Variants in FKBP7 observed in about 807,000 individuals in gnomAD.
The protein encoded by FKBP7 is peptidyl-prolyl cis-trans isomerase FKBP7.
A neutral mutation model predicts 24.3 loss-of-function variants in FKBP7; 24 were observed. The observed-to-expected ratio is 0.99, with a 90% CI of 0.72 to 1.39. The LOEUF (loss-of-function observed/expected upper bound fraction) is 1.39, where lower values mean the gene tolerates loss of function less well. FKBP7 is among the 40% of genes most tolerant of loss of function. The pLI is 0.00. For missense variants in FKBP7, 257 were observed against 269.5 expected, an observed-to-expected ratio of 0.95 and a Z score of 0.33; for synonymous variants, 98 against 92.8, an observed-to-expected ratio of 1.06 and a Z score of -0.32.
chr2:178,465,953 C>A, intron 3 of FKBP7, 22 bp from the exon 4 acceptor site: 1 of 1,559,912 alleles, frequency 6.4e-7, no homozygotes. Context: ...AAATAACATT[C>A]CTTTAATTAA....
At chr2:178,474,670 C>G (rs1263774668) in intron 2 of FKBP7, among the ~76,000 whole-genome samples, 1 of 151,480 alleles carries the variant, frequency 6.6e-6, no homozygotes, top group Non-Finnish European at 1.5e-5. Flanking sequence ...ATATATATCC[C>G]AAAAGTGGAA....
intron 2 of FKBP7, among the ~76,000 whole-genome samples, chr2:178,472,537 C>G (rs137968292): frequency 1.3e-5 from 2 of 151,688 alleles, no homozygotes; most frequent in Non-Finnish European, 2.9e-5. Flanking sequence ...TGCAATGGCG[C>G]GATCTCGGCT....
intron 3 of FKBP7, among the ~76,000 whole-genome samples, chr2:178,469,023 C>T (rs971098471): frequency 1.3e-5 from 2 of 151,844 alleles, no homozygotes; most frequent in Non-Finnish European, 2.9e-5. Context: ...TATGCACCAC[C>T]ATGCCTGGCT....
At chr2:178,474,298 C>G (rs1198217303) in intron 2 of FKBP7, among the ~76,000 whole-genome samples, 1 of 152,168 alleles carries the variant, frequency 6.6e-6, no homozygotes, top group Non-Finnish European at 1.5e-5. Context: ...CAAGGTACAG[C>G]CTATCAGGCT....
chr2:178,466,631 TATCTC>T (rs1425942451), intron 3 of FKBP7, among the ~76,000 whole-genome samples: 1 of 152,150 alleles, frequency 6.6e-6, no homozygotes, highest in African/African-American at 2.4e-5. Flanking sequence ...TTCAAAAAGT[TATCTC>T]ATTGATAATT....
Position 178,469,651 on chromosome 2 carries a change from C to T in FKBP7, c.507+1G>A. The T allele has an allele frequency of 6.2e-7, 1 of 1,613,626 alleles. No homozygotes were observed. The highest frequency in any genetic ancestry group is 8.5e-7 in the Non-Finnish European group (1 of 1,179,882). On this transcript the variant is annotated splice_donor_variant, in intron 3 of 3. Transcript: ENST00000424785. LOFTEE classifies it high-confidence loss of function. ...ATACACATGAAATTGGTTTGAATTACCTCGGCTTTAGAGAGCTGCCTGTCA... is the reference window on the plus strand; with the variant it reads ...ATACACATGAAATTGGTTTGAATTATCTCGGCTTTAGAGAGCTGCCTGTCA...
chr2:178,478,494 T>C lies in FKBP7; in HGVS notation c.6A>G (p.Pro2=). M[P]KTMHFLFRFI... is the part of the protein sequence containing the mutation. ...ATCTGAATAAGAAATGCATGGTTTT[T>C]GGCATCGGCTCCAGCAGAACACTGC... is the stretch of plus-strand genomic sequence containing the variant. The change falls in exon 1 of 4, where the codon CCA becomes CCG. Residue 2 remains proline, a synonymous_variant. Coordinates refer to ENST00000424785, the MANE Select transcript of FKBP7 (RefSeq NM_181342.3). 1 of 1,613,990 alleles carries C rather than the reference T, an allele frequency of 6.2e-7. No individual in the cohort carries two copies. The highest frequency in any genetic ancestry group is 1.6e-4 in the Middle Eastern group (1 of 6,062).
At chr2:178,472,916 T>TA (rs1684893081) in intron 2 of FKBP7, 32 of 266,878 alleles carry the variant, frequency 1.2e-4, no homozygotes, top group East Asian at 4.1e-4. Flanking sequence ...TTTTTTTTTT[T>TA]TAAAAAAAAC....
At chr2:178,472,898 C>CTTTTT in intron 2 of FKBP7, 3 of 174,502 alleles carry the variant, frequency 1.7e-5, no homozygotes, top group Non-Finnish European at 3.1e-5. Flanking sequence ...ACCTCTTTTT[C>CTTTTT]TTGTTTTTTT....
chr2:178,472,446 T>C (rs1035684914), intron 2 of FKBP7, among the ~76,000 whole-genome samples: 1 of 151,584 alleles, frequency 6.6e-6, no homozygotes, highest in African/African-American at 2.4e-5. Flanking sequence ...GCTATAAACA[T>C]AGAAAATATT....
Position 178,464,255 on chromosome 2 carries a change from T to C in FKBP7, c.*1515A>G, listed in dbSNP as rs1229424344. ...GAAGGTAGAAAAAACTTTACTTGTT[T>C]GGAACTCAATTATTTTGAACAGAGC... On this transcript the variant is annotated 3_prime_UTR_variant, in exon 4 of 4. Transcript: ENST00000424785. 1 of 152,246 alleles carries C rather than the reference T, an allele frequency of 6.6e-6. No individual in the cohort carries two copies. Among genetic ancestry groups the C allele is most frequent in the Non-Finnish European group, 1.5e-5 (1 of 68,048 alleles). The allele number at this position is 152,246 out of a possible 1,614,324, so 9.4% of individuals were successfully genotyped here. A position where few individuals can be genotyped will look rare whatever the true frequency, so the allele number is the denominator to read the frequency against.
rs542796409 is a variant in FKBP7 at position 178,465,480 on chromosome 2, C to T, written c.*290G>A. 1 of 216,554 alleles carries T rather than the reference C, an allele frequency of 4.6e-6. No homozygotes were observed. The highest frequency in any genetic ancestry group is 9.8e-5 in the East Asian group (1 of 10,238). 13.4% of individuals were successfully genotyped at this position (216,554 alleles called of 1,614,324 possible). A position where few individuals can be genotyped will look rare whatever the true frequency, so the allele number is the denominator to read the frequency against. The stretch of plus-strand genomic sequence containing the variant: ...CAGTTTTTGACATACTATACATGTC[C>T]TCCTACATCCTGAAAGGGGAAAAAA... On this transcript the variant is annotated 3_prime_UTR_variant, in exon 4 of 4. Coordinates refer to ENST00000424785, the MANE Select transcript of FKBP7 (RefSeq NM_181342.3).
chr2:178,471,720 C>T (rs1684851256), intron 2 of FKBP7, among the ~76,000 whole-genome samples: 1 of 152,054 alleles, frequency 6.6e-6, no homozygotes, highest in South Asian at 2.1e-4. Flanking sequence ...AAATGTTTGT[C>T]CTTGGAAGGA....
intron 2 of FKBP7, among the ~76,000 whole-genome samples, chr2:178,473,765 C>A (rs574168795): frequency 6.6e-6 from 1 of 152,194 alleles, no homozygotes. Flanking sequence ...AACATTTTGC[C>A]TAGAAGTGGC....
At chr2:178,466,977 G>A (rs1483490697) in intron 3 of FKBP7, among the ~76,000 whole-genome samples, 3 of 152,158 alleles carry the variant, frequency 2.0e-5, no homozygotes, top group Admixed American at 1.3e-4. Context: ...AGCAATCAGT[G>A]GACCTTAATG....
Position 178,478,554 on chromosome 2 carries a change from G to A in FKBP7, c.-55C>T. ...CGCGTGTCACTCGCGCCCCGTGGAT[G>A]TCCCGCGGCCGAGTTCCGACGCGTG... On this transcript the variant is annotated 5_prime_UTR_variant, in exon 1 of 4. Coordinates refer to ENST00000424785, the MANE Select transcript of FKBP7 (RefSeq NM_181342.3). 1.9e-6 allele frequency: 3 copies of A among 1,603,446 alleles called. No individual in the cohort carries two copies. Among genetic ancestry groups the A allele is most frequent in the Non-Finnish European group, 1.7e-6 (2 of 1,175,952 alleles).
At chr2:178,475,664 T>TTTTTAA (rs1559378881) in intron 2 of FKBP7, among the ~76,000 whole-genome samples, 2 of 152,264 alleles carry the variant, frequency 1.3e-5, no homozygotes, top group Non-Finnish European at 2.9e-5. Context: ...TGATGTCTCA[T>TTTTTAA]TTTTAATTTC....
At chr2:178,474,409 A>T (rs1487458572) in intron 2 of FKBP7, among the ~76,000 whole-genome samples, 3 of 152,242 alleles carry the variant, frequency 2.0e-5, no homozygotes, top group Non-Finnish European at 4.4e-5. Flanking sequence ...TACATGCCTT[A>T]TAAAACTTTC....
chr2:178,473,062 C>T (rs1434224906), intron 2 of FKBP7: 2 of 1,305,116 alleles, frequency 1.5e-6, no homozygotes, highest in Non-Finnish European at 1.0e-6. Context: ...TAACAAGTCA[C>T]ATGCATTTCA....
Sources: gnomAD v4.1 joint callset for allele counts (sites outside exome capture counted in the v4.1 genomes callset) on GRCh38, gnomAD v4.1.1 for gene constraint, MANE v1.5 for transcripts, NCBI Gene and HGNC (gene_info 2026-07-23, HGNC 2026-07-21) for gene names.